FRMPD4: variants seen among roughly 807,000 people sequenced by gnomAD.
FRMPD4 encodes FERM and PDZ domain-containing protein 4.
FRMPD4 carries 22 observed loss-of-function variants against 94.1 expected under a neutral mutation model. The ratio of observed to expected loss-of-function variants is 0.23; its 90% CI spans 0.17 to 0.33. FRMPD4 has a LOEUF of 0.33. Ranked by LOEUF, FRMPD4 falls within the 10% of genes least tolerant of loss-of-function variation. The pLI is 1.00. For missense variants in FRMPD4, 1,111 were observed against 1,339.9 expected, an observed-to-expected ratio of 0.83 and a Z score of 2.67; for synonymous variants, 631 against 548.6, an observed-to-expected ratio of 1.15 and a Z score of -2.10.
chrX:12,264,283 T>G (rs763204652), intron 1 of FRMPD4, among the ~76,000 whole-genome samples: 29 of 111,732 alleles, frequency 2.6e-4, no homozygotes, highest in African/African-American at 8.4e-4. Context: ...CTTCTCAGTC[T>G]CAGGACATCA....
At chrX:11,917,279 T>A (rs1004565603) in intron 3 of FRMPD4, among the ~76,000 whole-genome samples, 1 of 112,123 alleles carries the variant, frequency 8.9e-6, no homozygotes, top group Non-Finnish European at 1.9e-5. Flanking sequence ...GGAGTACTTA[T>A]ACACTGATGG....
chrX:12,599,688 A>G (rs1208469905), intron 2 of FRMPD4, among the ~76,000 whole-genome samples: 1 of 111,853 alleles, frequency 8.9e-6, no homozygotes, highest in African/African-American at 3.3e-5. Context: ...TGTGATATCA[A>G]TGACTCTGTC....
Position 12,332,041 on chromosome X carries a change from C to CTA in FRMPD4, c.42-166632_42-166631dup, listed in dbSNP as rs1234134605. On this transcript the variant is annotated intron_variant, in intron 1 of 16. Transcript: ENST00000675598. ...TATATAAATTATATATATTTATATA[C>CTA]TATATATAAATTATATGTAATATAT... Among the ~76,000 whole-genome samples the CTA allele has an allele frequency of 1.7e-4, 10 of 58,991 alleles. 2 individuals are homozygous for CTA. The highest frequency in any genetic ancestry group is 7.2e-4 in the African/African-American group (8 of 11,175). 51.2% of individuals were successfully genotyped at this position (58,991 alleles called of 115,157 possible).
intron 3 of FRMPD4, among the ~76,000 whole-genome samples, chrX:11,885,384 G>A (rs2053839924): frequency 1.8e-5 from 2 of 110,678 alleles, no homozygotes; most frequent in African/African-American, 6.6e-5. Flanking sequence ...TGATTGACAG[G>A]GGCTGGGGGG....
chrX:12,487,607 T>A (rs2057752660), intron 1 of FRMPD4, among the ~76,000 whole-genome samples: 1 of 112,308 alleles, frequency 8.9e-6, no homozygotes, highest in Non-Finnish European at 1.9e-5. Context: ...CCTATGAGGC[T>A]TGGTGCACTT....
chrX:12,450,015 T>C, intron 1 of FRMPD4, among the ~76,000 whole-genome samples: 1 of 110,112 alleles, frequency 9.1e-6, no homozygotes, highest in East Asian at 2.9e-4. Context: ...AAAGAAATTA[T>C]AGGCAGAAAT....
At chrX:12,121,557 C>T (rs963774348) in intron 3 of FRMPD4, among the ~76,000 whole-genome samples, 2 of 111,729 alleles carry the variant, frequency 1.8e-5, no homozygotes, top group African/African-American at 6.5e-5. Flanking sequence ...GGTAACTTTG[C>T]ATAAGGCGAT....
intron 2 of FRMPD4, among the ~76,000 whole-genome samples, chrX:11,873,639 G>A (rs2053766633): frequency 9.2e-6 from 1 of 108,361 alleles, no homozygotes; most frequent in Admixed American, 9.9e-5. Context: ...ACTCAATATT[G>A]TTTAAATGTC....
intron 1 of FRMPD4, among the ~76,000 whole-genome samples, chrX:12,349,390 C>A (rs764657636): frequency 9.1e-6 from 1 of 110,026 alleles, no homozygotes; most frequent in Non-Finnish European, 1.9e-5. Flanking sequence ...ACCTGGGGAG[C>A]GAGGGGGTCG....
intron 2 of FRMPD4, among the ~76,000 whole-genome samples, chrX:12,569,459 T>A (rs1377684837): frequency 8.9e-6 from 1 of 111,867 alleles, no homozygotes; most frequent in Non-Finnish European, 1.9e-5. Context: ...TGGCTCAGGT[T>A]ATCAATCAGT....
chrX:12,327,661 T>C (rs2055308884), intron 1 of FRMPD4, among the ~76,000 whole-genome samples: 1 of 112,009 alleles, frequency 8.9e-6, no homozygotes, highest in South Asian at 3.7e-4. Flanking sequence ...CAATTGACTC[T>C]AGTAACAGTT....
rs751384763 is a variant in FRMPD4, at chrX:12,338,650, A to T, written c.42-160030A>T. Among the ~76,000 whole-genome samples, 3 of 112,776 alleles carry T rather than the reference A, an allele frequency of 2.7e-5. No individual in the cohort carries two copies. The South Asian group carries it at 1.1e-3, about 41-fold the overall frequency. ...TGCCTAGTGTTGCCCAAGTTAAGCCATTAGAAGGGAAGACACAGCTGTCAA... is the reference window on the plus strand; with the variant it reads ...TGCCTAGTGTTGCCCAAGTTAAGCCTTTAGAAGGGAAGACACAGCTGTCAA... On this transcript the variant is annotated intron_variant, in intron 1 of 16. Transcript: ENST00000675598.
chrX:12,058,263 G>A (rs1427721671), intron 3 of FRMPD4, among the ~76,000 whole-genome samples: 1 of 111,627 alleles, frequency 9.0e-6, no homozygotes, highest in African/African-American at 3.3e-5. Context: ...AAAAACTCCA[G>A]GAAGGAACCA....
intron 1 of FRMPD4, among the ~76,000 whole-genome samples, chrX:12,337,103 T>C (rs978567369): frequency 9.0e-6 from 1 of 111,547 alleles, no homozygotes; most frequent in Non-Finnish European, 1.9e-5. Flanking sequence ...TGTAGACACT[T>C]TGACCAACAA....
intron 3 of FRMPD4, among the ~76,000 whole-genome samples, chrX:11,962,677 G>T (rs141175758): frequency 4.7e-4 from 52 of 111,448 alleles, no homozygotes; most frequent in African/African-American, 1.7e-3. Context: ...AAACTGGAAG[G>T]AGTAAGTTCT....
intron 1 of FRMPD4, among the ~76,000 whole-genome samples, chrX:12,164,306 T>C (rs1049478691): frequency 4.0e-4 from 45 of 111,680 alleles, no homozygotes; most frequent in African/African-American, 1.5e-3. Flanking sequence ...GTTTGTTTTT[T>C]TTGTCCTTGC....
chrX:12,121,438 T>C (rs778477705), intron 3 of FRMPD4, among the ~76,000 whole-genome samples: 1 of 112,349 alleles, frequency 8.9e-6, no homozygotes, highest in South Asian at 3.7e-4. Context: ...TAGTAAATAT[T>C]GATAGATATA....
intron 3 of FRMPD4, among the ~76,000 whole-genome samples, chrX:12,065,768 C>T (rs1043082557): frequency 5.4e-5 from 6 of 112,024 alleles, no homozygotes; most frequent in Non-Finnish European, 7.5e-5. Context: ...GGTTTTTATA[C>T]CTTGAAGGAA....
intron 1 of FRMPD4, among the ~76,000 whole-genome samples, chrX:12,412,090 T>G (rs1306739531): frequency 1.8e-5 from 2 of 112,375 alleles, no homozygotes; most frequent in East Asian, 5.6e-4. Context: ...GATGATTCAA[T>G]GCATAATGGT....
Sources: allele counts gnomAD v4.1 joint callset (sites outside exome capture counted in the v4.1 genomes callset), GRCh38; gene constraint gnomAD v4.1.1; transcripts MANE v1.5; gene names NCBI Gene and HGNC (gene_info 2026-07-23, HGNC 2026-07-21).